The following RARB variants were observed in gnomAD, a reference collection of about 807,000 sequenced individuals.
RARB encodes retinoic acid receptor beta.
In RARB, 17 loss-of-function variants were observed where a neutral mutation model predicts 51.9. That is an observed-to-expected ratio of 0.33 (90% CI 0.22 to 0.49). The LOEUF (loss-of-function observed/expected upper bound fraction) is 0.49. Ranked by LOEUF, RARB falls within the 20% of genes least tolerant of loss-of-function variation. The pLI, the probability that RARB is intolerant of heterozygous loss-of-function variation, is 0.99. For missense variants in RARB, 369 were observed against 550.8 expected (o/e 0.67, Z 3.30); for synonymous variants, 215 against 195.4 (o/e 1.10, Z -0.84).
At chr3:25,159,258 C>G (rs373910261) in intron 4 of RARB, among the ~76,000 whole-genome samples, 1 of 150,470 alleles carries the variant, frequency 6.6e-6, no homozygotes, top group Non-Finnish European at 1.5e-5. Flanking sequence ...CCACCTCCCC[C>G]TCCCCGGTTC....
intron 2 of RARB, chr3:25,024,894 A>T (rs1697710656): frequency 7.0e-6 from 1 of 143,676 alleles, no homozygotes; most frequent in African/African-American, 2.6e-5. Context: ...CAGAGGTTGC[A>T]GTGAGCCGAG....
chr3:25,576,718 C>T (rs540370798), intron 4 of RARB, among the ~76,000 whole-genome samples: 11 of 152,308 alleles, frequency 7.2e-5, no homozygotes, highest in Admixed American at 5.9e-4. Flanking sequence ...GCCCTTTGCT[C>T]GAAGCCCTCT....
At chr3:24,875,063 C>A (rs751755388) in intron 2 of RARB, among the ~76,000 whole-genome samples, 1 of 151,968 alleles carries the variant, frequency 6.6e-6, no homozygotes, top group African/African-American at 2.4e-5. Context: ...AATTTATATG[C>A]TTCTGTTAAA....
intron 2 of RARB, among the ~76,000 whole-genome samples, chr3:24,947,500 C>T (rs1025056967): frequency 1.3e-5 from 2 of 152,200 alleles, no homozygotes; most frequent in African/African-American, 4.8e-5. Context: ...CTAAAGAAGG[C>T]TCAGGCTGTG....
chr3:25,552,910 T>C (rs1456393041), intron 3 of RARB, among the ~76,000 whole-genome samples: 2 of 152,174 alleles, frequency 1.3e-5, no homozygotes, highest in African/African-American at 2.4e-5. Context: ...CTAGATTTTA[T>C]GTAGCAGATC....
At chr3:25,048,701 T>C (rs1029339589) in intron 2 of RARB, among the ~76,000 whole-genome samples, 13 of 152,182 alleles carry the variant, frequency 8.5e-5, no homozygotes, top group African/African-American at 2.6e-4. Flanking sequence ...ACTTCCATAA[T>C]TTTAGGGGAT....
At position 25,594,551 on chromosome 3, in the gene RARB, A is replaced by G. The variant is rs1162623385; in HGVS notation, c.1023A>G (p.Val341=). Residue 341 remains valine (V), a synonymous_variant, in exon 7 of 8, where the codon GTA becomes GTG. Transcript: ENST00000330688. ...DRQDLEEPTK[V]DKLQEPLLEA... ...AGGACCTTGAGGAACCGACAAAAGT[A>G]GATAAGCTACAAGAACCATTGCTGG... is the stretch of plus-strand genomic sequence containing the variant. 1.9e-6 allele frequency: 3 copies of G among 1,612,882 alleles called. No individual in the cohort carries two copies. The highest frequency in any genetic ancestry group is 1.7e-6 in the Non-Finnish European group (2 of 1,179,610).
intron 4 of RARB, among the ~76,000 whole-genome samples, chr3:25,153,474 G>A (rs1348866396): frequency 6.6e-6 from 1 of 152,110 alleles, no homozygotes; most frequent in Non-Finnish European, 1.5e-5. Flanking sequence ...GACTTCTGCT[G>A]TTATCAAAGG....
At chr3:24,915,797 A>G (rs535371078) in intron 2 of RARB, among the ~76,000 whole-genome samples, 3 of 152,262 alleles carry the variant, frequency 2.0e-5, no homozygotes, top group East Asian at 3.9e-4. Context: ...CTGGGTCTAT[A>G]CAAATGTAGG....
intron 2 of RARB, among the ~76,000 whole-genome samples, chr3:24,916,920 G>C (rs1230314768): frequency 1.3e-5 from 2 of 152,142 alleles, no homozygotes; most frequent in African/African-American, 4.8e-5. Context: ...ATGAATCTCA[G>C]TAATATTTTG....
chr3:25,006,919 A>G (rs12629250), intron 2 of RARB, among the ~76,000 whole-genome samples: 1 of 152,070 alleles, frequency 6.6e-6, no homozygotes, highest in Non-Finnish European at 1.5e-5. Context: ...GCAGAAGGTC[A>G]GTGACTAAAT....
chr3:25,451,545 T>A (rs903747249), intron 1 of RARB, among the ~76,000 whole-genome samples: 2 of 152,234 alleles, frequency 1.3e-5, no homozygotes, highest in Non-Finnish European at 2.9e-5. Flanking sequence ...GAAAAATTTC[T>A]TTGCAGCAAA....
At chr3:24,869,326 A>C (rs1702903779) in intron 2 of RARB, among the ~76,000 whole-genome samples, 2 of 152,304 alleles carry the variant, frequency 1.3e-5, no homozygotes, top group Admixed American at 1.3e-4. Flanking sequence ...TAAAGGAAGT[A>C]CAATCAGCAT....
intron 5 of RARB, among the ~76,000 whole-genome samples, chr3:25,310,906 A>G (rs1285029807): frequency 6.6e-6 from 1 of 152,062 alleles, no homozygotes; most frequent in Non-Finnish European, 1.5e-5. Flanking sequence ...TAAATTTGTT[A>G]CTCGGTTTAT....
chr3:24,896,065 G>C (rs1223395204), intron 2 of RARB, among the ~76,000 whole-genome samples: 1 of 152,204 alleles, frequency 6.6e-6, no homozygotes, highest in Non-Finnish European at 1.5e-5. Flanking sequence ...GATGCAACGT[G>C]TATGAGCCTT....
intron 2 of RARB, among the ~76,000 whole-genome samples, chr3:24,970,504 T>C (rs934068607): frequency 6.6e-6 from 1 of 151,798 alleles, no homozygotes; most frequent in African/African-American, 2.4e-5. Flanking sequence ...ACTGGACTTT[T>C]AAATATCAAA....
At chr3:25,533,451 G>T (rs1294259334) in intron 3 of RARB, among the ~76,000 whole-genome samples, 1 of 152,138 alleles carries the variant, frequency 6.6e-6, no homozygotes, top group East Asian at 1.9e-4. Flanking sequence ...TTCACAAAAG[G>T]ATAGCATTGT....
chr3:25,021,708 A>T lies in RARB; in HGVS notation c.-379-38417A>T, dbSNP rs528274992. ...TACATTCAGTTTTCCATTTGTTCAA[A>T]TTTTTTTTTTAAATTCGAGGACCTA... is the stretch of plus-strand genomic sequence containing the variant. On this transcript the variant is annotated intron_variant, in intron 2 of 11. Coordinates refer to the RARB transcript ENST00000383772. Among the ~76,000 whole-genome samples the T allele has an allele frequency of 1.0e-3, 151 of 150,530 alleles. 1 individual carries two copies. Among genetic ancestry groups the T allele is most frequent in the Admixed American group, 9.7e-3 (146 of 15,054 alleles).
Position 25,183,953 on chromosome 3 carries a change from T to C in RARB, c.178+9378T>C, listed in dbSNP as rs566358613. 2.0e-5 allele frequency among the ~76,000 whole-genome samples: 3 copies of C among 152,286 alleles called. No individual in the cohort carries two copies. In the South Asian group the frequency reaches 6.2e-4, roughly 32 times the overall value. Reference sequence around the variant, plus strand: ...TATCCAGGATTCTTTTAGTTTCTTATGGCCAAAAGCCTATGTAAGCTTCTT... The same window carrying C: ...TATCCAGGATTCTTTTAGTTTCTTACGGCCAAAAGCCTATGTAAGCTTCTT... On this transcript the variant is annotated intron_variant, in intron 5 of 11. Coordinates refer to the RARB transcript ENST00000383772.
Sources: allele counts gnomAD v4.1 joint callset (sites outside exome capture counted in the v4.1 genomes callset), GRCh38; gene constraint gnomAD v4.1.1; transcripts MANE v1.5; gene names NCBI Gene and HGNC (gene_info 2026-07-23, HGNC 2026-07-21).